MITF: variants seen among roughly 807,000 people sequenced by gnomAD.
The protein encoded by MITF is microphthalmia-associated transcription factor.
Under a neutral mutation model 60.5 loss-of-function variants are expected in MITF, and 17 were observed. That is an observed-to-expected ratio of 0.28 (90% CI 0.19 to 0.42). MITF has a LOEUF of 0.42. Ranked by LOEUF, MITF falls within the 10% of genes least tolerant of loss-of-function variation. MITF has a pLI of 1.00. For missense variants in MITF, 622 were observed against 683.5 expected, an observed-to-expected ratio of 0.91 and a Z score of 1.00; for synonymous variants, 260 against 248.5, an observed-to-expected ratio of 1.05 and a Z score of -0.43.
At chr3:69,961,464 TGA>T in intron 9 of MITF, among the ~76,000 whole-genome samples, 1 of 151,730 alleles carries the variant, frequency 6.6e-6, no homozygotes. Context: ...CCCAGCACTT[TGA>T]GAGGCCAAGG....
At chr3:69,809,098 C>T (rs991758800) in intron 1 of MITF, among the ~76,000 whole-genome samples, 4 of 152,050 alleles carry the variant, frequency 2.6e-5, no homozygotes, top group Admixed American at 6.6e-5. Flanking sequence ...AGTTTGGAAA[C>T]AGACTCTTAT....
chr3:69,844,177 T>A (rs1388961605), intron 1 of MITF, among the ~76,000 whole-genome samples: 3 of 152,228 alleles, frequency 2.0e-5, no homozygotes, highest in African/African-American at 7.2e-5. Context: ...AAGTCTTTGT[T>A]ATGGTGAACA....
rs1280253628 is a variant in MITF at position 69,959,423 on chromosome 3, A to G, written c.1179+3A>G. On this transcript the variant is annotated splice_donor_region_variant and intron_variant, in intron 9 of 9. Coordinates refer to ENST00000352241, the MANE Select transcript of MITF (RefSeq NM_001354604.2). ...GGCATTTGTTGCTCAGAATACAGGT[A>G]CGCAGCCTGAGTTGTGTAAAGTTTA... 7.4e-6 allele frequency: 12 copies of G among 1,613,804 alleles called. No homozygotes were observed. Among genetic ancestry groups the G allele is most frequent in the South Asian group, 3.3e-5 (3 of 91,056 alleles).
At chr3:69,817,449 G>T (rs2063198829) in intron 1 of MITF, among the ~76,000 whole-genome samples, 1 of 151,990 alleles carries the variant, frequency 6.6e-6, no homozygotes, top group Non-Finnish European at 1.5e-5. Context: ...GTGTACAATG[G>T]TACTACTCAG....
intron 1 of MITF, among the ~76,000 whole-genome samples, chr3:69,796,369 A>G (rs1278429153): frequency 1.3e-5 from 2 of 152,130 alleles, no homozygotes; most frequent in Non-Finnish European, 2.9e-5. Flanking sequence ...AAGGGAATCT[A>G]ATCTGAAAGG....
At chr3:69,895,847 TG>T (rs143588923) in intron 2 of MITF, among the ~76,000 whole-genome samples, 3,239 of 150,060 alleles carry the variant, frequency 0.022, 42 homozygotes, top group Non-Finnish European at 0.034. Context: ...TGTGTGTGTG[TG>T]TATGTGTGTG....
chr3:69,824,036 T>A (rs1485592051), intron 1 of MITF, among the ~76,000 whole-genome samples: 1 of 152,154 alleles, frequency 6.6e-6, no homozygotes, highest in Non-Finnish European at 1.5e-5. Flanking sequence ...ATGAGCAACA[T>A]TATTTGTAGC....
intron 2 of MITF, among the ~76,000 whole-genome samples, chr3:69,889,912 A>G (rs1248911147): frequency 6.6e-6 from 1 of 152,158 alleles, no homozygotes; most frequent in Non-Finnish European, 1.5e-5. Context: ...TTTGCATTGG[A>G]CAGCACAGAA....
intron 1 of MITF, among the ~76,000 whole-genome samples, chr3:69,759,323 A>G (rs556524144): frequency 1.1e-3 from 175 of 152,352 alleles, no homozygotes; most frequent in African/African-American, 3.9e-3. Context: ...CTTTGGTGCC[A>G]TACTGAATAG....
intron 1 of MITF, among the ~76,000 whole-genome samples, chr3:69,765,309 G>T (rs144058721): frequency 1.1e-4 from 17 of 152,280 alleles, no homozygotes; most frequent in African/African-American, 3.4e-4. Flanking sequence ...TTTAGAATAA[G>T]ACCAGAATGT....
intron 1 of MITF, among the ~76,000 whole-genome samples, chr3:69,814,764 A>G (rs905470501): frequency 6.6e-6 from 1 of 152,128 alleles, no homozygotes; most frequent in African/African-American, 2.4e-5. Flanking sequence ...AGAAGGTGCA[A>G]GCTTCCAGGT....
intron 1 of MITF, 112 bp downstream of exon 1, chr3:69,739,813 C>T: frequency 1.3e-6 from 1 of 786,564 alleles, no homozygotes; most frequent in South Asian, 1.6e-5. Context: ...GACCCAGTGC[C>T]CTTGCCCCGG....
chr3:69,919,705 G>A (rs976067359), intron 2 of MITF, among the ~76,000 whole-genome samples: 8 of 152,008 alleles, frequency 5.3e-5, no homozygotes, highest in African/African-American at 1.9e-4. Flanking sequence ...TAAAAGTCTG[G>A]GGTTATTTAT....
intron 1 of MITF, among the ~76,000 whole-genome samples, chr3:69,789,836 A>G (rs1294471979): frequency 6.6e-6 from 1 of 152,190 alleles, no homozygotes; most frequent in Non-Finnish European, 1.5e-5. Flanking sequence ...AGCCTGGGCA[A>G]CAGAGTGAGA....
chr3:69,741,529 CAA>C (rs1453527516), intron 1 of MITF, among the ~76,000 whole-genome samples: 1 of 151,910 alleles, frequency 6.6e-6, no homozygotes, highest in East Asian at 1.9e-4. Context: ...TCAGAGTCAG[CAA>C]AAAAGACTTG....
At chr3:69,936,663 AAGT>A in intron 2 of MITF, 4 of 1,609,802 alleles carry the variant, frequency 2.5e-6, no homozygotes, top group Non-Finnish European at 3.4e-6. Flanking sequence ...GAATTATAGA[AAGT>A]AGAGGGAGGG....
chr3:69,956,705 A>G (rs968157888), intron 8 of MITF, among the ~76,000 whole-genome samples, 175 bp downstream of exon 8: 6 of 152,198 alleles, frequency 3.9e-5, no homozygotes, highest in African/African-American at 1.4e-4. Flanking sequence ...TCAAGCTAAA[A>G]TTTCAAGACA....
At chr3:69,781,235 A>G (rs1243710154) in intron 1 of MITF, among the ~76,000 whole-genome samples, 1 of 152,150 alleles carries the variant, frequency 6.6e-6, no homozygotes, top group African/African-American at 2.4e-5. Flanking sequence ...TTGGGTGAGC[A>G]TGTTCTTTTC....
At position 69,879,246 on chromosome 3, in the gene MITF, C is replaced by T. The variant is rs1478130504; in HGVS notation, c.217C>T (p.Arg73Cys). Reference sequence around the variant, plus strand: ...GCGTGAGCAGATGCAGGAGCAGGAGCGCAGGGAGCAGCAGCAGAAGCTGCA... The same window carrying T: ...GCGTGAGCAGATGCAGGAGCAGGAGTGCAGGGAGCAGCAGCAGAAGCTGCA... Reference protein sequence around the residue: ...LMREQMQEQERREQQQKLQAA... With the variant: ...LMREQMQEQECREQQQKLQAA... Residue 73 changes from arginine (R) to cysteine (C), a missense_variant, in exon 2 of 10, where the codon CGC becomes TGC. Around this residue, in one of 5 missense-constraint regions of MITF, gnomAD observed 149 missense variants for 157.8 expected, o/e 0.94. Transcript: ENST00000352241. 12 of 1,614,042 alleles carry T rather than the reference C, an allele frequency of 7.4e-6. No individual in the cohort carries two copies. Among genetic ancestry groups the T allele is most frequent in the Admixed American group, 5.0e-5 (3 of 60,000 alleles).
Sources: allele counts gnomAD v4.1 joint callset (sites outside exome capture counted in the v4.1 genomes callset), GRCh38; gene constraint gnomAD v4.1.1; regional missense constraint gnomAD v4.1.1; transcripts MANE v1.5; gene names NCBI Gene and HGNC (gene_info 2026-07-23, HGNC 2026-07-21).